Variants in KCNMA1 observed in about 807,000 individuals in gnomAD.
The protein encoded by KCNMA1 is potassium calcium-activated channel subfamily M alpha 1, also known as Calcium-activated potassium channel subunit alpha-1.
A neutral mutation model predicts 140.0 loss-of-function variants in KCNMA1; 29 were observed. The observed-to-expected ratio is 0.21, with a 90% confidence interval of 0.15 to 0.28. The LOEUF (loss-of-function observed/expected upper bound fraction) is 0.28. KCNMA1 is among the 10% of genes least tolerant of loss of function. KCNMA1 has a pLI of 1.00. For synonymous variants in KCNMA1, 612 were observed against 611.9 expected, an observed-to-expected ratio of 1.00 and a Z score of 0.00; for missense variants, 880 against 1,602.2, an observed-to-expected ratio of 0.55 and a Z score of 7.70.
At chr10:77,234,508 G>A (rs936061807) in intron 3 of KCNMA1, among the ~76,000 whole-genome samples, 3 of 152,184 alleles carry the variant, frequency 2.0e-5, no homozygotes, top group African/African-American at 7.2e-5. Flanking sequence ...GGAATCAGCA[G>A]CAATTTTCTA....
chr10:77,410,834 G>C (rs977926744), intron 1 of KCNMA1, among the ~76,000 whole-genome samples: 1 of 152,162 alleles, frequency 6.6e-6, no homozygotes, highest in East Asian at 1.9e-4. Context: ...CATTTCTCTC[G>C]AGCTTTGGTT....
At chr10:77,009,790 A>G (rs532273648) in intron 18 of KCNMA1, among the ~76,000 whole-genome samples, 1 of 152,236 alleles carries the variant, frequency 6.6e-6, no homozygotes, top group African/African-American at 2.4e-5. Context: ...TCTTGGCCTC[A>G]ACATCACCCC....
intron 5 of KCNMA1, among the ~76,000 whole-genome samples, chr10:77,165,340 T>C (rs560795429): frequency 1.3e-5 from 2 of 152,364 alleles, no homozygotes; most frequent in Admixed American, 6.5e-5. Flanking sequence ...AGTACACATA[T>C]GATGACTAGA....
At chr10:77,059,657 G>T (rs1043481202) in intron 14 of KCNMA1, among the ~76,000 whole-genome samples, 1 of 152,050 alleles carries the variant, frequency 6.6e-6, no homozygotes, top group Non-Finnish European at 1.5e-5. Flanking sequence ...CTCCATTCAT[G>T]ATTGAAAAAA....
intron 2 of KCNMA1, among the ~76,000 whole-genome samples, chr10:77,268,240 T>C (rs1027297927): frequency 6.6e-6 from 1 of 152,168 alleles, no homozygotes; most frequent in Non-Finnish European, 1.5e-5. Context: ...GAGTTTCTAG[T>C]TCTCTGTTTA....
chr10:77,636,748 C>G, intron 1 of KCNMA1: 1 of 1,484,260 alleles, frequency 6.7e-7, no homozygotes, highest in Non-Finnish European at 8.9e-7. Context: ...CAAAATTATT[C>G]TCTCCCTTGC....
At chr10:77,403,835 T>C in intron 2 of KCNMA1, 27 bp downstream of exon 2, 7 of 1,603,658 alleles carry the variant, frequency 4.4e-6, no homozygotes, top group Non-Finnish European at 6.0e-6. Flanking sequence ...CAAGGCCTCC[T>C]GGTGTGAGAA....
chr10:77,511,059 C>T (rs1280647769), intron 1 of KCNMA1, among the ~76,000 whole-genome samples: 4 of 152,304 alleles, frequency 2.6e-5, no homozygotes, highest in African/African-American at 7.2e-5. Flanking sequence ...ATGCAAACAC[C>T]TGTGAGTATG....
At chr10:77,301,185 T>C (rs1162993348) in intron 2 of KCNMA1, among the ~76,000 whole-genome samples, 1 of 152,196 alleles carries the variant, frequency 6.6e-6, no homozygotes. Flanking sequence ...GGCAGTGTCT[T>C]TGTTGTTCTG....
intron 1 of KCNMA1, among the ~76,000 whole-genome samples, chr10:77,472,221 A>T (rs2098177173): frequency 6.6e-6 from 1 of 151,836 alleles, no homozygotes; most frequent in Non-Finnish European, 1.5e-5. Flanking sequence ...CACTACACAC[A>T]CACTATACAT....
chr10:77,106,785 T>G (rs937597720), intron 9 of KCNMA1, among the ~76,000 whole-genome samples: 4 of 152,174 alleles, frequency 2.6e-5, no homozygotes, highest in African/African-American at 9.7e-5. Flanking sequence ...ACATGACCAC[T>G]GGGAATCTTT....
intron 1 of KCNMA1, among the ~76,000 whole-genome samples, chr10:77,528,260 G>A (rs1208139166): frequency 6.6e-6 from 1 of 152,128 alleles, no homozygotes; most frequent in Non-Finnish European, 1.5e-5. Flanking sequence ...TCCTCAATAA[G>A]TTAAACACAG....
intron 22 of KCNMA1, among the ~76,000 whole-genome samples, chr10:76,946,747 T>C (rs1182986375): frequency 6.6e-6 from 1 of 152,340 alleles, no homozygotes; most frequent in East Asian, 1.9e-4. Context: ...TTAATTTTCA[T>C]CTTGTAGGGA....
intron 2 of KCNMA1, among the ~76,000 whole-genome samples, chr10:77,378,196 A>C (rs1279261263): frequency 6.6e-6 from 1 of 152,090 alleles, no homozygotes; most frequent in Non-Finnish European, 1.5e-5. Context: ...CCATGAAAAG[A>C]ACACCCACTG....
intron 2 of KCNMA1, among the ~76,000 whole-genome samples, chr10:77,331,245 T>G (rs1602816279): frequency 6.6e-6 from 1 of 152,148 alleles, no homozygotes; most frequent in Admixed American, 6.5e-5. Flanking sequence ...TGGCAGCAGG[T>G]CTGAGCATGA....
chr10:77,061,969 G>A (rs1188689386), intron 14 of KCNMA1, among the ~76,000 whole-genome samples: 2 of 152,184 alleles, frequency 1.3e-5, no homozygotes, highest in African/African-American at 4.8e-5. Flanking sequence ...TAATGACAGA[G>A]AATAGATCAG....
intron 1 of KCNMA1, among the ~76,000 whole-genome samples, chr10:77,405,846 C>T (rs1055488344): frequency 1.3e-5 from 2 of 151,976 alleles, no homozygotes; most frequent in East Asian, 3.9e-4. Flanking sequence ...AGGCCAGGCA[C>T]GTGGGAGGCA....
At chr10:77,489,624 C>G (rs2098507877) in intron 1 of KCNMA1, among the ~76,000 whole-genome samples, 1 of 152,156 alleles carries the variant, frequency 6.6e-6, no homozygotes, top group South Asian at 2.1e-4. Context: ...CAGGCGTGAG[C>G]CACCGCGCCT....
At chr10:77,115,552 T>C (rs2097438149) in intron 6 of KCNMA1, among the ~76,000 whole-genome samples, 1 of 152,188 alleles carries the variant, frequency 6.6e-6, no homozygotes, top group Admixed American at 6.5e-5. Flanking sequence ...TACATACTCC[T>C]GGATTCTTGG....
Sources: gnomAD v4.1 joint callset for allele counts (sites outside exome capture counted in the v4.1 genomes callset) on GRCh38, gnomAD v4.1.1 for gene constraint, MANE v1.5 for transcripts, NCBI Gene and HGNC (gene_info 2026-07-23, HGNC 2026-07-21) for gene names.